KCNJ6: variants seen among roughly 807,000 people sequenced by gnomAD.
KCNJ6 encodes G protein-activated inward rectifier potassium channel 2.
A neutral mutation model predicts 34.2 loss-of-function variants in KCNJ6; 9 were observed. The observed-to-expected ratio is 0.26, with a 90% CI of 0.16 to 0.46. The LOEUF (loss-of-function observed/expected upper bound fraction) is 0.46, where lower values mean the gene tolerates loss of function less well. KCNJ6 is among the 20% of genes least tolerant of loss of function. KCNJ6 has a pLI of 1.00. For synonymous variants in KCNJ6, 196 were observed against 207.1 expected (o/e 0.95, Z 0.46); for missense variants, 236 against 531.3 (o/e 0.44, Z 5.46).
intron 3 of KCNJ6, among the ~76,000 whole-genome samples, chr21:37,656,784 C>T (rs731329): frequency 0.015 from 2,346 of 152,314 alleles, 28 homozygotes; most frequent in Non-Finnish European, 0.025. Context: ...GGCCAAGCCT[C>T]CTGTCTCTCT....
At chr21:37,789,796 C>T (rs1187430069) in intron 2 of KCNJ6, among the ~76,000 whole-genome samples, 1 of 152,202 alleles carries the variant, frequency 6.6e-6, no homozygotes, top group Non-Finnish European at 1.5e-5. Context: ...AGCAGAAAGT[C>T]CTCCTAAGTC....
intron 3 of KCNJ6, among the ~76,000 whole-genome samples, chr21:37,687,823 G>A (rs1054600501): frequency 6.6e-6 from 1 of 152,184 alleles, no homozygotes; most frequent in African/African-American, 2.4e-5. Context: ...GGGCATTGTG[G>A]CATCTTCTGT....
chr21:37,660,674 G>A (rs919135110), intron 3 of KCNJ6, among the ~76,000 whole-genome samples: 1 of 152,178 alleles, frequency 6.6e-6, no homozygotes, highest in Non-Finnish European at 1.5e-5. Context: ...TGGGGAGAAG[G>A]CGTGCTGGGA....
intron 1 of KCNJ6, among the ~76,000 whole-genome samples, chr21:37,842,210 T>A (rs1334654930): frequency 6.6e-6 from 1 of 152,240 alleles, no homozygotes; most frequent in Non-Finnish European, 1.5e-5. Context: ...AGTTTACTCA[T>A]GGTTTCACAT....
At position 37,663,867 on chromosome 21, in the gene KCNJ6, G is replaced by A. The variant is rs190480546; in HGVS notation, c.947-38383C>T. Among the ~76,000 whole-genome samples, 118 of 152,288 alleles carry A rather than the reference G, an allele frequency of 7.7e-4. 1 individual carries two copies. The highest frequency in any genetic ancestry group is 1.3e-3 in the Non-Finnish European group (90 of 68,020). On this transcript the variant is annotated intron_variant, in intron 3 of 3. Transcript: ENST00000609713. The stretch of plus-strand genomic sequence containing the variant: ...TACCTATGAAGAACACAATTAGCAA[G>A]CTTAGCCTCATGAACACATGACAAA...
intron 2 of KCNJ6, among the ~76,000 whole-genome samples, chr21:37,818,461 G>A (rs1195105272): frequency 1.6e-5 from 2 of 128,870 alleles, no homozygotes; most frequent in African/African-American, 3.1e-5. Flanking sequence ...AGCGGCACCC[G>A]AATGATGAAG....
In KCNJ6 at chr21:37,846,012, G is replaced by T. The variant is rs2055505094; in HGVS notation, c.-27-5303C>A. 2.6e-5 allele frequency among the ~76,000 whole-genome samples: 4 copies of T among 152,054 alleles called. No homozygotes were observed. In the South Asian group the frequency reaches 8.3e-4, roughly 31 times the overall value. On this transcript the variant is annotated intron_variant, in intron 1 of 3. Transcript: ENST00000609713. The stretch of plus-strand genomic sequence containing the variant: ...ATGATGATATATTTGAGTAAAACAT[G>T]TTCACAGATGCTGAAAAAAAAACAA...
chr21:37,866,007 T>C (rs529451365), intron 1 of KCNJ6, among the ~76,000 whole-genome samples: 1 of 152,360 alleles, frequency 6.6e-6, no homozygotes, highest in South Asian at 2.1e-4. Flanking sequence ...CTTAGACTAC[T>C]AACTTAGGTG....
At position 37,875,247 on chromosome 21, in the gene KCNJ6, T is replaced by C. The variant is rs144112448; in HGVS notation, c.-27-34538A>G. Reference sequence around the variant, plus strand: ...GCATTATTTTTGTAAAATAAAAAAATCTTATTTTAAAAAAGAATTGAAAAG... The same window carrying C: ...GCATTATTTTTGTAAAATAAAAAAACCTTATTTTAAAAAAGAATTGAAAAG... On this transcript the variant is annotated intron_variant, in intron 1 of 3. Transcript: ENST00000609713. 5.5e-4 allele frequency among the ~76,000 whole-genome samples: 84 copies of C among 152,312 alleles called. 1 individual carries two copies. The highest frequency in any genetic ancestry group is 1.8e-3 in the African/African-American group (76 of 41,582).
At chr21:37,756,840 C>A (rs1402182152) in intron 2 of KCNJ6, among the ~76,000 whole-genome samples, 1 of 150,360 alleles carries the variant, frequency 6.7e-6, no homozygotes, top group Non-Finnish European at 1.5e-5. Context: ...TGATTCCAGC[C>A]CAGAGTGAGC....
intron 1 of KCNJ6, among the ~76,000 whole-genome samples, chr21:37,904,909 C>T (rs1049693725): frequency 6.6e-6 from 1 of 152,216 alleles, no homozygotes; most frequent in African/African-American, 2.4e-5. Flanking sequence ...TAAACTCTGC[C>T]AGCCAAAACC....
chr21:37,660,310 G>A (rs979912637), intron 3 of KCNJ6, among the ~76,000 whole-genome samples: 16 of 152,226 alleles, frequency 1.1e-4, no homozygotes, highest in African/African-American at 3.1e-4. Flanking sequence ...ACAAAGGGGC[G>A]AGAGATAAGA....
intron 1 of KCNJ6, among the ~76,000 whole-genome samples, chr21:37,862,513 G>A (rs2055599710): frequency 6.6e-6 from 1 of 152,194 alleles, no homozygotes; most frequent in African/African-American, 2.4e-5. Flanking sequence ...TATGATCTGA[G>A]TTCAAGCTAA....
In KCNJ6 at chr21:37,618,579, T is replaced by A. The variant is rs1390677592; in HGVS notation, c.*6580A>T. 1 of 152,254 alleles carries A rather than the reference T, an allele frequency of 6.6e-6. No homozygotes were observed. The highest frequency in any genetic ancestry group is 1.5e-5 in the Non-Finnish European group (1 of 68,044). 9.4% of individuals were successfully genotyped at this position (152,254 alleles called of 1,614,324 possible). A position where few individuals can be genotyped will look rare whatever the true frequency, so the allele number is the denominator to read the frequency against. ...AAACAATGGGCACTGAGCCTTAATCTTGAAATGGGCAATTACACAAAGTCG... is the reference window on the plus strand; with the variant it reads ...AAACAATGGGCACTGAGCCTTAATCATGAAATGGGCAATTACACAAAGTCG... On this transcript the variant is annotated 3_prime_UTR_variant, in exon 4 of 4. Coordinates refer to ENST00000609713, the MANE Select transcript of KCNJ6 (RefSeq NM_002240.5).
intron 1 of KCNJ6, among the ~76,000 whole-genome samples, chr21:37,910,968 T>C (rs58604978): frequency 0.014 from 2,120 of 152,264 alleles, 51 homozygotes; most frequent in African/African-American, 0.048. Context: ...AATAAATAAA[T>C]GAATATTTAC....
At chr21:37,651,474 G>A (rs1310146186) in intron 3 of KCNJ6, among the ~76,000 whole-genome samples, 1 of 152,196 alleles carries the variant, frequency 6.6e-6, no homozygotes, top group Non-Finnish European at 1.5e-5. Context: ...TGAACAAACC[G>A]AGAGCAAGGA....
chr21:37,714,619 T>C lies in KCNJ6; in HGVS notation c.538A>G (p.Ile180Val). The C allele has an allele frequency of 6.8e-6, 11 of 1,614,124 alleles. No homozygotes were observed. The highest frequency in any genetic ancestry group is 7.6e-6 in the Non-Finnish European group (9 of 1,180,026). The stretch of plus-strand genomic sequence containing the variant: ...CATCCCACCATGAATGCATTGACAA[T>C]GGACCCCAACACAGATTGGATTAAG... Reference protein sequence around the residue: ...LLLIQSVLGSIVNAFMVGCMF... With the variant: ...LLLIQSVLGSVVNAFMVGCMF... The change falls in exon 3 of 4, where the codon ATT becomes GTT. Residue 180 changes from isoleucine (I) to valine (V), a missense_variant. Physicochemically the swap from Ile to Val is conservative, Grantham distance 29. Around this residue, in one of 5 missense-constraint regions of KCNJ6, gnomAD observed 68 missense variants for 165.7 expected, o/e 0.41. Transcript: ENST00000609713. This position sits in a 1 kb window ranked among gnomAD's most constrained non-coding sequence, Gnocchi z 5.9.
At chr21:37,698,531 T>C (rs2054674398) in intron 3 of KCNJ6, among the ~76,000 whole-genome samples, 1 of 152,236 alleles carries the variant, frequency 6.6e-6, no homozygotes, top group African/African-American at 2.4e-5. Context: ...TAGTTTTGAC[T>C]TTTGTTGTTG....
chr21:37,837,713 GTT>G (rs5843868), intron 2 of KCNJ6, among the ~76,000 whole-genome samples: 41 of 145,996 alleles, frequency 2.8e-4, no homozygotes, highest in Middle Eastern at 3.6e-3. Context: ...GGTTCTGTCT[GTT>G]TTTTTTTTTT....
Sources: allele counts gnomAD v4.1 joint callset (sites outside exome capture counted in the v4.1 genomes callset), GRCh38; gene constraint gnomAD v4.1.1; regional missense constraint gnomAD v4.1.1; non-coding constraint Gnocchi (gnomAD v3.1); transcripts MANE v1.5; gene names NCBI Gene and HGNC (gene_info 2026-07-23, HGNC 2026-07-21).